Variants in ITGAE observed in about 807,000 individuals in gnomAD.
ITGAE encodes integrin subunit alpha E, also known as integrin alpha-E.
A neutral mutation model predicts 136.5 loss-of-function variants in ITGAE; 99 were observed. The observed-to-expected ratio is 0.73, with a 90% CI of 0.62 to 0.86. The LOEUF is 0.86. Ranked by LOEUF, ITGAE falls within the 40% of genes least tolerant of loss-of-function variation. The pLI is 0.00. For synonymous variants in ITGAE, 613 were observed against 591.8 expected (o/e 1.04, Z -0.52); for missense variants, 1,447 against 1,515.3 (o/e 0.95, Z 0.75).
intron 29 of ITGAE, chr17:3,718,237 G>A (rs947546979): frequency 6.6e-6 from 1 of 152,250 alleles, no homozygotes; most frequent in African/African-American, 2.4e-5. Flanking sequence ...CTAATAAGAT[G>A]TAAGAGGATG....
At chr17:3,768,533 G>GCCCTCCACGGCGCTGTT (rs2052350598) in intron 2 of ITGAE, among the ~76,000 whole-genome samples, 1 of 152,094 alleles carries the variant, frequency 6.6e-6, no homozygotes, top group African/African-American at 2.4e-5. Context: ...CCTGCCTCAG[G>GCCCTCCACGGCGCTGTT]CCCTCCACGG....
rs375087960 is a variant in ITGAE, at chr17:3,718,907, T to C, written c.3333+1400A>G. Reference sequence around the variant, plus strand: ...ACTTCTATTTCTTCCGTTTTCTGTATTTTCCATTTCCCTCTATTTTCTGTA... The same window carrying C: ...ACTTCTATTTCTTCCGTTTTCTGTACTTTCCATTTCCCTCTATTTTCTGTA... On this transcript the variant is annotated intron_variant, in intron 29 of 30. Coordinates refer to ENST00000263087, the MANE Select transcript of ITGAE (RefSeq NM_002208.5). 1.2e-4 allele frequency among the ~76,000 whole-genome samples: 18 copies of C among 152,294 alleles called. 4 individuals carry two copies. Among genetic ancestry groups the C allele is most frequent in the East Asian group, 3.9e-4 (2 of 5,188 alleles).
intron 21 of ITGAE, among the ~76,000 whole-genome samples, chr17:3,733,641 G>A (rs188101464): frequency 0.015 from 2,232 of 152,168 alleles, 61 homozygotes; most frequent in African/African-American, 0.05. Context: ...GGCTGGTCTC[G>A]AACTCCTGAC....
intron 11 of ITGAE, 55 bp downstream of exon 11, chr17:3,755,775 G>C: frequency 3.3e-6 from 5 of 1,496,936 alleles, no homozygotes; most frequent in Non-Finnish European, 4.6e-6. Context: ...AATCCTAGGT[G>C]TCCTGGGCCC....
intron 26 of ITGAE, chr17:3,724,248 G>A (rs1281091192): frequency 3.1e-6 from 5 of 1,592,714 alleles, no homozygotes; most frequent in South Asian, 1.1e-5. Flanking sequence ...GAAGCTGCGA[G>A]CTCGCCCAAG....
rs112073752 is a variant in ITGAE, at chr17:3,748,585, T to TCAA, written c.2025-536_2025-534dup. 4.6e-5 allele frequency among the ~76,000 whole-genome samples: 7 copies of TCAA among 152,196 alleles called. No homozygotes were observed. The East Asian group carries it at 5.8e-4, about 13-fold the overall frequency. On this transcript the variant is annotated intron_variant, in intron 16 of 30. Transcript: ENST00000263087. ...CTGGGTGACAGAGCAAGACTCCATC[T>TCAA]CAACAACAACAACAAAAATACGGTA...
intron 18 of ITGAE, among the ~76,000 whole-genome samples, chr17:3,745,477 G>A (rs1039893225): frequency 1.4e-4 from 21 of 152,218 alleles, no homozygotes; most frequent in African/African-American, 4.1e-4. Context: ...GAGTAGCTGG[G>A]ATTACAGGCA....
chr17:3,771,737 A>G (rs1178247624), intron 2 of ITGAE, among the ~76,000 whole-genome samples: 1 of 151,822 alleles, frequency 6.6e-6, no homozygotes, highest in Admixed American at 6.6e-5. Flanking sequence ...GGGTTTCACC[A>G]TGTTGGCCAG....
At chr17:3,725,258 G>A (rs1302938449) in intron 26 of ITGAE, 2 of 1,614,198 alleles carry the variant, frequency 1.2e-6, no homozygotes, top group South Asian at 2.2e-5. Context: ...CCTCCTCTAT[G>A]TATTTGCTAA....
At chr17:3,785,359 C>A (rs2052758257) in intron 1 of ITGAE, among the ~76,000 whole-genome samples, 1 of 151,928 alleles carries the variant, frequency 6.6e-6, no homozygotes, top group Non-Finnish European at 1.5e-5. Flanking sequence ...ATCCCAACCA[C>A]TTGGGAGGCT....
rs750730883 is a variant in ITGAE, at chr17:3,748,011, G to A, written c.2066C>T (p.Thr689Ile). ...VVRLKVSMAF[T>I]PSALPIGFNG... ...GAAGCCGATGGGCAGTGCGCTGGGGGTGAAGGCCATGGAGACCTTCAGGCG... is the reference window on the plus strand; with the variant it reads ...GAAGCCGATGGGCAGTGCGCTGGGGATGAAGGCCATGGAGACCTTCAGGCG... The change falls in exon 17 of 31, where the codon ACC becomes ATC. Residue 689 changes from threonine to isoleucine, a missense_variant. By Grantham distance (89) the Thr-to-Ile change is moderately conservative (BLOSUM62 -1). This residue lies in a region of ITGAE where 1,031 missense variants were observed against 1,011.4 expected (regional missense o/e 1.02). Coordinates refer to ENST00000263087, the MANE Select transcript of ITGAE (RefSeq NM_002208.5). 4 of 1,612,886 alleles carry A rather than the reference G, an allele frequency of 2.5e-6. No individual in the cohort carries two copies. Among genetic ancestry groups the A allele is most frequent in the Non-Finnish European group, 3.4e-6 (4 of 1,179,340 alleles).
In ITGAE at chr17:3,719,234, T is replaced by TAAAAAA. The variant is rs2050999265; in HGVS notation, c.3333+1072_3333+1073insTTTTTT. Among the ~76,000 whole-genome samples, 4 of 34,820 alleles carry TAAAAAA rather than the reference T, an allele frequency of 1.1e-4. 1 individual carries two copies. Among genetic ancestry groups the TAAAAAA allele is most frequent in the African/African-American group, 4.9e-4 (4 of 8,244 alleles). 22.8% of individuals were successfully genotyped at this position (34,820 alleles called of 152,430 possible). On this transcript the variant is annotated intron_variant, in intron 29 of 30. Transcript: ENST00000263087. The stretch of plus-strand genomic sequence containing the variant: ...CTGGGCGACACAGTGAGATTCTTCC[T>TAAAAAA]CAAAAAAAAAAAAAAAAAAAAAGAA...
intron 22 of ITGAE, among the ~76,000 whole-genome samples, chr17:3,731,589 A>G (rs867619356): frequency 3.2e-4 from 48 of 149,878 alleles, no homozygotes; most frequent in African/African-American, 1.1e-3. Context: ...TGATCCACCC[A>G]CCTCGGTCTC....
chr17:3,744,668 C>T (rs1330911308), intron 18 of ITGAE, among the ~76,000 whole-genome samples: 3 of 152,008 alleles, frequency 2.0e-5, no homozygotes, highest in Non-Finnish European at 4.4e-5. Flanking sequence ...AGGCCGGTCT[C>T]GAACTCCTGA....
chr17:3,731,318 A>G (rs898349453), intron 22 of ITGAE, 135 bp from the exon 23 acceptor site: 55 of 579,242 alleles, frequency 9.5e-5, no homozygotes, highest in Non-Finnish European at 8.5e-5. Flanking sequence ...CTAACACAGC[A>G]TGTTTCCTTT....
Position 3,777,657 on chromosome 17 carries a change from A to G in ITGAE, c.38T>C (p.Leu13Pro), listed in dbSNP as rs915744706. 2 of 1,608,138 alleles carry G rather than the reference A, an allele frequency of 1.2e-6. No individual in the cohort carries two copies. The highest frequency in any genetic ancestry group is 2.7e-5 in the African/African-American group (2 of 74,638). The change falls in exon 2 of 31, where the codon CTG becomes CCG. Residue 13 changes from leucine (L) to proline (P), a missense_variant. Around this residue, in one of 3 missense-constraint regions of ITGAE, gnomAD observed 106 missense variants for 87.8 expected, o/e 1.21. Transcript: ENST00000263087. ...CACATTGAAAGCGGCCAGCAGGGCC[A>G]GGCCTGTAGGGAAAAGAGGAGCGTT... ...LFHTLLCIAS[L>P]ALLAAFNVDV... is the part of the protein sequence containing the mutation.
Position 3,759,488 on chromosome 17 carries a change from C to T in ITGAE, c.780G>A (p.Gln260=). 1 of 1,614,220 alleles carries T rather than the reference C, an allele frequency of 6.2e-7. No homozygotes were observed. Among genetic ancestry groups the T allele is most frequent in the Non-Finnish European group, 8.5e-7 (1 of 1,180,036 alleles). The change falls in exon 8 of 31, where the codon CAG becomes CAA. Residue 260 remains glutamine (Q), a synonymous_variant. Transcript: ENST00000263087. ...IQTEFDLRDS[Q]DVMASLARVQ... ...CTCTGGCGAGGGAGGCCATCACATC[C>T]TGGCTGTCCCGAAGGTCAAACTCAG...
At chr17:3,761,616 C>T (rs1345174679) in intron 4 of ITGAE, 96 bp from the exon 5 acceptor site, 1 of 1,170,046 alleles carries the variant, frequency 8.5e-7, no homozygotes, top group African/African-American at 1.5e-5. Context: ...CTCAGTGGCT[C>T]AACCAGGCAG....
intron 6 of ITGAE, among the ~76,000 whole-genome samples, 170 bp from the exon 7 acceptor site, chr17:3,760,457 T>TTTTA (rs1420885557): frequency 6.9e-6 from 1 of 145,932 alleles, no homozygotes; most frequent in Non-Finnish European, 1.5e-5. Flanking sequence ...TTTTTTTTTT[T>TTTTA]GAGACAGAGC....
Sources: allele counts gnomAD v4.1 joint callset (sites outside exome capture counted in the v4.1 genomes callset), GRCh38; gene constraint gnomAD v4.1.1; regional missense constraint gnomAD v4.1.1; transcripts MANE v1.5; gene names NCBI Gene and HGNC (gene_info 2026-07-23, HGNC 2026-07-21).